MEI4: variants seen among roughly 807,000 people sequenced by gnomAD.
The protein encoded by MEI4 is meiotic double-stranded break formation protein 4, also known as meiosis-specific protein MEI4.
Under a neutral mutation model 31.4 loss-of-function variants are expected in MEI4, and 27 were observed. The observed-to-expected ratio is 0.86, with a 90% CI of 0.63 to 1.19. The LOEUF (loss-of-function observed/expected upper bound fraction) is 1.19. MEI4 is among the 50% of genes most tolerant of loss of function. MEI4 has a pLI of 0.00. For synonymous variants in MEI4, 122 were observed against 145.4 expected (o/e 0.84, Z 1.16); for missense variants, 329 against 398.9 (o/e 0.82, Z 1.49).
At chr6:77,683,797 G>A (rs1168663654) in intron 1 of MEI4, among the ~76,000 whole-genome samples, 1 of 152,148 alleles carries the variant, frequency 6.6e-6, no homozygotes, top group Non-Finnish European at 1.5e-5. Flanking sequence ...GATGGACACA[G>A]GTTGATTTCA....
At chr6:77,895,609 G>T (rs964082232) in intron 4 of MEI4, among the ~76,000 whole-genome samples, 4 of 151,996 alleles carry the variant, frequency 2.6e-5, no homozygotes, top group African/African-American at 9.7e-5. Context: ...TATACAGCAT[G>T]CTCTCTGCAT....
At chr6:77,875,188 A>C (rs1298282245) in intron 4 of MEI4, among the ~76,000 whole-genome samples, 3 of 152,044 alleles carry the variant, frequency 2.0e-5, no homozygotes, top group Non-Finnish European at 4.4e-5. Flanking sequence ...GGTCTCTCTC[A>C]GTATTCTATT....
chr6:77,899,648 T>C (rs1156351077), intron 4 of MEI4, among the ~76,000 whole-genome samples: 1 of 152,122 alleles, frequency 6.6e-6, no homozygotes, highest in African/African-American at 2.4e-5. Context: ...TAAGTCCAGC[T>C]TGACTGCTAG....
At chr6:77,731,795 T>G (rs1767001455) in intron 2 of MEI4, among the ~76,000 whole-genome samples, 1 of 152,030 alleles carries the variant, frequency 6.6e-6, no homozygotes, top group Non-Finnish European at 1.5e-5. Flanking sequence ...CATCTTGAAT[T>G]AATTTTTGTA....
At chr6:77,681,162 A>G (rs182062846) in intron 1 of MEI4, among the ~76,000 whole-genome samples, 20 of 151,960 alleles carry the variant, frequency 1.3e-4, no homozygotes, top group East Asian at 1.2e-3. Context: ...GATTGACACA[A>G]CCTCTCTCAG....
chr6:77,793,889 A>C (rs567383553), intron 3 of MEI4, among the ~76,000 whole-genome samples: 7 of 152,350 alleles, frequency 4.6e-5, no homozygotes, highest in Admixed American at 1.3e-4. Context: ...AAGGAATTAC[A>C]AAACAGTCAG....
rs570054590 is a variant in MEI4, at chr6:77,743,438, A to T, written c.233-17692A>T. ...CTCTCTGTTTGTCTGTTATTGGTGT[A>T]TAAGAATGCTTGTGATTTTTGTACA... On this transcript the variant is annotated intron_variant, in intron 2 of 4. Transcript: ENST00000684080. Among the ~76,000 whole-genome samples, 42 of 152,264 alleles carry T rather than the reference A, an allele frequency of 2.8e-4. No individual in the cohort carries two copies. In the East Asian group the frequency reaches 7.9e-3, roughly 29 times the overall value.
At chr6:77,717,024 A>G (rs1264636455) in intron 2 of MEI4, among the ~76,000 whole-genome samples, 3 of 149,680 alleles carry the variant, frequency 2.0e-5, no homozygotes, top group African/African-American at 7.4e-5. Flanking sequence ...AAAAAGACAC[A>G]GAGACAAAGT....
chr6:77,673,548 T>C (rs77536404), intron 1 of MEI4, among the ~76,000 whole-genome samples: 1 of 152,140 alleles, frequency 6.6e-6, no homozygotes, highest in South Asian at 2.1e-4. Context: ...TATCGACTTA[T>C]GCACACCCTC....
intron 2 of MEI4, among the ~76,000 whole-genome samples, chr6:77,745,980 G>T (rs113852123): frequency 9.9e-5 from 15 of 152,014 alleles, no homozygotes; most frequent in Non-Finnish European, 5.9e-5. Flanking sequence ...AGTGTGTAGA[G>T]GGAAATTTAT....
rs755716912 is a variant in MEI4, at chr6:77,881,366, CA to C, written c.901-41719del. Among the ~76,000 whole-genome samples the C allele has an allele frequency of 1.2e-4, 19 of 152,076 alleles. No homozygotes were observed. In the East Asian group the frequency reaches 2.3e-3, roughly 18 times the overall value. On this transcript the variant is annotated intron_variant, in intron 4 of 4. Transcript: ENST00000684080. ...GGGTCTAATGTTTAGCAAAAAAACC[CA>C]AAACATTCTGGACAAAGTATACCAT...
At chr6:77,783,446 C>T (rs1014686361) in intron 3 of MEI4, among the ~76,000 whole-genome samples, 3 of 152,156 alleles carry the variant, frequency 2.0e-5, no homozygotes, top group Non-Finnish European at 2.9e-5. Context: ...CTCTACATGA[C>T]TGTAATAACT....
At chr6:77,804,921 A>C (rs1376591055) in intron 3 of MEI4, among the ~76,000 whole-genome samples, 1 of 152,102 alleles carries the variant, frequency 6.6e-6, no homozygotes, top group Non-Finnish European at 1.5e-5. Context: ...TGGTATGACA[A>C]ATATATTTTA....
At chr6:77,734,652 T>G (rs953837446) in intron 2 of MEI4, among the ~76,000 whole-genome samples, 1 of 152,060 alleles carries the variant, frequency 6.6e-6, no homozygotes, top group Non-Finnish European at 1.5e-5. Flanking sequence ...AAGTTAATAT[T>G]ATTATGTGTG....
chr6:77,734,175 G>C (rs1260335600), intron 2 of MEI4, among the ~76,000 whole-genome samples: 1 of 151,832 alleles, frequency 6.6e-6, no homozygotes, highest in Non-Finnish European at 1.5e-5. Context: ...TCAATTCCTG[G>C]GTATCCTTGT....
chr6:77,704,707 T>C (rs1021784216), intron 2 of MEI4, among the ~76,000 whole-genome samples: 4 of 152,100 alleles, frequency 2.6e-5, no homozygotes, highest in African/African-American at 9.7e-5. Flanking sequence ...TAAACAAAAG[T>C]GAAACATATG....
intron 4 of MEI4, among the ~76,000 whole-genome samples, chr6:77,877,542 T>A (rs1287992864): frequency 1.3e-5 from 2 of 152,094 alleles, no homozygotes; most frequent in Non-Finnish European, 2.9e-5. Context: ...CTCACATACG[T>A]ATCTATGTAG....
intron 2 of MEI4, among the ~76,000 whole-genome samples, chr6:77,696,836 A>T (rs1766059148): frequency 6.6e-6 from 1 of 152,154 alleles, no homozygotes; most frequent in Non-Finnish European, 1.5e-5. Flanking sequence ...TTTCAGAAGG[A>T]ATGGTACCAG....
At chr6:77,734,813 C>T (rs1049502244) in intron 2 of MEI4, among the ~76,000 whole-genome samples, 4 of 151,380 alleles carry the variant, frequency 2.6e-5, no homozygotes, top group African/African-American at 9.7e-5. Flanking sequence ...TTCAGGAGCT[C>T]TTTTAGGGCA....
Sources: gnomAD v4.1 joint callset for allele counts (sites outside exome capture counted in the v4.1 genomes callset) on GRCh38, gnomAD v4.1.1 for gene constraint, MANE v1.5 for transcripts, NCBI Gene and HGNC (gene_info 2026-07-23, HGNC 2026-07-21) for gene names.